The following PTPRF variants were observed in gnomAD, a reference collection of about 807,000 sequenced individuals.
PTPRF encodes protein tyrosine phosphatase receptor type F, also known as receptor-type tyrosine-protein phosphatase F.
In PTPRF, 59 loss-of-function variants were observed where a neutral mutation model predicts 201.8. That is an observed-to-expected ratio of 0.29 (90% CI 0.24 to 0.36). PTPRF has a LOEUF of 0.36. Ranked by LOEUF, PTPRF falls within the 10% of genes least tolerant of loss-of-function variation. The pLI is 1.00. For synonymous variants in PTPRF, 1,088 were observed against 1,089.7 expected (o/e 1.00, Z 0.03); for missense variants, 2,132 against 2,690.5 (o/e 0.79, Z 4.59).
intron 5 of PTPRF, among the ~76,000 whole-genome samples, chr1:43,567,500 C>G (rs934779806): frequency 1.3e-5 from 2 of 152,218 alleles, no homozygotes; most frequent in Non-Finnish European, 2.9e-5. Flanking sequence ...AAGGCTGGGG[C>G]GGCAAGGCCG....
Position 43,553,793 on chromosome 1 carries a change from C to G in PTPRF, c.238-7C>G, listed in dbSNP as rs775216782. ...TAGGCTGTGACCCCATGTCTGTCCT[C>G]TGACAGGTCATTGAGTTTGATGATG... On this transcript the variant is annotated splice_polypyrimidine_tract_variant and splice_region_variant and intron_variant, in intron 4 of 33. Transcript: ENST00000359947. This position sits in a 1 kb window ranked among gnomAD's most constrained non-coding sequence, Gnocchi z 4.1. 1.2e-6 allele frequency: 2 copies of G among 1,614,150 alleles called. No homozygotes were observed. Among genetic ancestry groups the G allele is most frequent in the South Asian group, 1.1e-5 (1 of 91,084 alleles).
intron 23 of PTPRF, among the ~76,000 whole-genome samples, chr1:43,616,562 G>A (rs1254717928): frequency 6.6e-6 from 1 of 151,956 alleles, no homozygotes. Flanking sequence ...AGAACCTGGT[G>A]ACTGGCAGGG....
At chr1:43,568,845 T>C (rs1646367697) in intron 5 of PTPRF, among the ~76,000 whole-genome samples, 1 of 152,158 alleles carries the variant, frequency 6.6e-6, no homozygotes, top group Admixed American at 6.5e-5. Context: ...GGAGGGAGTT[T>C]TTTCTCCCCC....
intron 6 of PTPRF, among the ~76,000 whole-genome samples, chr1:43,577,462 CTTCACCT>C (rs1399618517): frequency 6.6e-6 from 1 of 152,222 alleles, no homozygotes; most frequent in Non-Finnish European, 1.5e-5. Flanking sequence ...TCCCCTCTTC[CTTCACCT>C]CCAGCTGCCA....
At chr1:43,615,287 G>A (rs12075670) in intron 23 of PTPRF, among the ~76,000 whole-genome samples, 19,490 of 152,158 alleles carry the variant, frequency 0.13, 1,715 homozygotes, top group African/African-American at 0.25. Context: ...CACGGAGCCC[G>A]TAAGGTGGGC....
intron 7 of PTPRF, among the ~76,000 whole-genome samples, chr1:43,580,903 AT>A (rs1647424808): frequency 6.6e-6 from 1 of 152,250 alleles, no homozygotes; most frequent in Non-Finnish European, 1.5e-5. Flanking sequence ...CTATGGGCAC[AT>A]TTCCCAGGGC....
At chr1:43,572,054 T>C (rs1646609094) in intron 6 of PTPRF, among the ~76,000 whole-genome samples, 1 of 152,248 alleles carries the variant, frequency 6.6e-6, no homozygotes, top group Admixed American at 6.5e-5. Context: ...TGACCCGTCC[T>C]TGGTCCTTGC....
At chr1:43,620,685 G>C in intron 31 of PTPRF, 106 bp downstream of exon 31, 1 of 1,547,512 alleles carries the variant, frequency 6.5e-7, no homozygotes. Flanking sequence ...TGAGGCGGTG[G>C]GTGGGTATTA....
Position 43,566,255 on chromosome 1 carries a change from T to G in PTPRF, c.380-3335T>G, listed in dbSNP as rs898465294. ...CCACCTCCGATTTAGCTGTGTGACC[T>G]TGGGCAGGTGTCCAGATGTCTAGAT... On this transcript the variant is annotated intron_variant, in intron 5 of 33. Coordinates refer to ENST00000359947, the MANE Select transcript of PTPRF (RefSeq NM_002840.5). Among the ~76,000 whole-genome samples the G allele has an allele frequency of 2.7e-4, 41 of 152,356 alleles. 1 individual carries two copies. Among genetic ancestry groups the G allele is most frequent in the African/African-American group, 8.9e-4 (37 of 41,592 alleles).
intron 11 of PTPRF, among the ~76,000 whole-genome samples, chr1:43,593,025 C>T (rs142711357): frequency 1.1e-3 from 165 of 152,344 alleles, no homozygotes; most frequent in African/African-American, 3.8e-3. Flanking sequence ...CCATCACCCA[C>T]ATTCCCTTCC....
At chr1:43,569,224 C>T (rs1036403749) in intron 5 of PTPRF, among the ~76,000 whole-genome samples, 12 of 140,264 alleles carry the variant, frequency 8.6e-5, no homozygotes, top group Admixed American at 7.7e-4. Context: ...TGCTAGCCCC[C>T]CCCCCCACCC....
upstream of PTPRF, among the ~76,000 whole-genome samples, chr1:43,523,554 A>G (rs1643013427): frequency 1.3e-5 from 2 of 152,238 alleles, no homozygotes; most frequent in Admixed American, 6.5e-5. Context: ...TAGGGTTTGA[A>G]GAATGCAGTA....
chr1:43,530,942 G>GGGCTCC lies in PTPRF; in HGVS notation c.-249_-244dup, dbSNP rs780812023. The GGGCTCC allele has an allele frequency of 0.034, 5,389 of 156,204 alleles. 152 individuals are homozygous for GGGCTCC. The highest frequency in any genetic ancestry group is 0.078 in the African/African-American group (3,220 of 41,118). The allele number at this position is 156,204 out of a possible 1,614,324, so 9.7% of individuals were successfully genotyped here. On this transcript the variant is annotated 5_prime_UTR_variant, in exon 1 of 34. Coordinates refer to ENST00000359947, the MANE Select transcript of PTPRF (RefSeq NM_002840.5). This position sits in a 1 kb window ranked among gnomAD's most constrained non-coding sequence, Gnocchi z 4.1. The stretch of plus-strand genomic sequence containing the variant: ...CCAGCTTCGGCTCCGGCTCGGGCTC[G>GGGCTCC]GGCTCCGGCTCCGGCTCCGGCTCCG...
At chr1:43,525,871 T>C (rs1258961088), upstream of PTPRF, among the ~76,000 whole-genome samples, 1 of 133,132 alleles carries the variant, frequency 7.5e-6, no homozygotes, top group Admixed American at 7.6e-5. Flanking sequence ...TTGTGGTGGG[T>C]TGGGGAGCGA....
At chr1:43,613,333 A>G (rs545050218) in intron 22 of PTPRF, 2 of 386,994 alleles carry the variant, frequency 5.2e-6, no homozygotes, top group East Asian at 5.5e-5. Flanking sequence ...GGAGGAAGGA[A>G]GCCTCTCTTC....
In PTPRF at chr1:43,588,650, T is replaced by C; in HGVS notation, c.680-81T>C. 1.3e-6 allele frequency: 2 copies of C among 1,549,638 alleles called. No homozygotes were observed. The highest frequency in any genetic ancestry group is 1.7e-6 in the Non-Finnish European group (2 of 1,145,750). ...GGGTTTGGCTCTGACCAGAGGGGCTTCCTGAATGAGGGGCCCCTGCCCTTC... is the reference window on the plus strand; with the variant it reads ...GGGTTTGGCTCTGACCAGAGGGGCTCCCTGAATGAGGGGCCCCTGCCCTTC... On this transcript the variant is annotated intron_variant, in intron 7 of 33. Coordinates refer to ENST00000359947, the MANE Select transcript of PTPRF (RefSeq NM_002840.5). The surrounding 1 kb of genome is among the most constrained non-coding windows in gnomAD (Gnocchi z 5.3).
rs188413274 is a variant in PTPRF, at chr1:43,560,406, G to C, written c.379+6465G>C. Among the ~76,000 whole-genome samples the C allele has an allele frequency of 8.0e-3, 1,208 of 151,894 alleles. 25 individuals carry two copies. The highest frequency in any genetic ancestry group is 0.028 in the African/African-American group (1,169 of 41,400). ...TTGATGTCAGACAATGCATGTGCAT[G>C]TGTGTGGAGTGCACAGCAGGTGATG... On this transcript the variant is annotated intron_variant, in intron 5 of 33. Transcript: ENST00000359947.
intron 7 of PTPRF, among the ~76,000 whole-genome samples, chr1:43,581,607 T>A (rs552756068): frequency 6.6e-6 from 1 of 152,340 alleles, no homozygotes; most frequent in East Asian, 1.9e-4. Context: ...CCCTGCCTTC[T>A]GCCCTCAGCA....
At chr1:43,587,317 A>G (rs1649408204) in intron 7 of PTPRF, among the ~76,000 whole-genome samples, 3 of 152,194 alleles carry the variant, frequency 2.0e-5, no homozygotes, top group East Asian at 3.9e-4. Flanking sequence ...CATTGCAGCA[A>G]CTCAGGGAAG....
Sources: gnomAD v4.1 joint callset for allele counts (sites outside exome capture counted in the v4.1 genomes callset) on GRCh38, gnomAD v4.1.1 for gene constraint, Gnocchi (gnomAD v3.1) non-coding constraint, MANE v1.5 for transcripts, NCBI Gene and HGNC (gene_info 2026-07-23, HGNC 2026-07-21) for gene names.